Variants in TRAF3 observed in about 807,000 individuals in gnomAD.
TRAF3 encodes TNF receptor associated factor 3.
In TRAF3, 13 loss-of-function variants were observed where a neutral mutation model predicts 62.3. The observed-to-expected ratio is 0.21, with a 90% CI of 0.14 to 0.33. The LOEUF (loss-of-function observed/expected upper bound fraction) is 0.33. TRAF3 is among the 10% of genes least tolerant of loss of function. The pLI is 1.00. For synonymous variants in TRAF3, 269 were observed against 283.4 expected, an observed-to-expected ratio of 0.95 and a Z score of 0.51; for missense variants, 440 against 741.8, an observed-to-expected ratio of 0.59 and a Z score of 4.73.
intron 1 of TRAF3, among the ~76,000 whole-genome samples, chr14:102,796,277 A>C (rs1898080008): frequency 6.6e-6 from 1 of 152,208 alleles, no homozygotes; most frequent in Non-Finnish European, 1.5e-5. Flanking sequence ...GAACACGTGG[A>C]GGTTTCTGAG....
intron 4 of TRAF3, among the ~76,000 whole-genome samples, chr14:102,875,155 C>T (rs1888572855): frequency 6.6e-6 from 1 of 152,114 alleles, no homozygotes. Context: ...GTGGTCTCTC[C>T]ATTTCTCCAG....
chr14:102,900,385 C>T (rs546238679), intron 10 of TRAF3, among the ~76,000 whole-genome samples: 51 of 152,280 alleles, frequency 3.3e-4, no homozygotes, highest in African/African-American at 1.1e-3. Context: ...TCTGTAATCC[C>T]AGCTACTCGG....
At chr14:102,866,419 T>G (rs538851876) in intron 2 of TRAF3, among the ~76,000 whole-genome samples, 2 of 151,644 alleles carry the variant, frequency 1.3e-5, no homozygotes, top group Non-Finnish European at 2.9e-5. Flanking sequence ...TATAATAATT[T>G]AAAAAAAAGT....
chr14:102,911,153 T>C lies in TRAF3; in HGVS notation c.*5369T>C, dbSNP rs1211432688. On this transcript the variant is annotated 3_prime_UTR_variant, in exon 12 of 12. Coordinates refer to ENST00000392745, the MANE Select transcript of TRAF3 (RefSeq NM_145725.3). ...AGTTGCGTCTGTAGTAGCCGCTTGC[T>C]GTGAAGACACATCTTGACAGTCCAA... 1 of 152,224 alleles carries C rather than the reference T, an allele frequency of 6.6e-6. No individual in the cohort carries two copies. The highest frequency in any genetic ancestry group is 1.5e-5 in the Non-Finnish European group (1 of 68,038). The allele number at this position is 152,224 out of a possible 1,614,324, so 9.4% of individuals were successfully genotyped here.
At chr14:102,847,257 C>G (rs962092342) in intron 2 of TRAF3, among the ~76,000 whole-genome samples, 1 of 152,168 alleles carries the variant, frequency 6.6e-6, no homozygotes, top group Admixed American at 6.5e-5. Context: ...TCACTGCAGC[C>G]TCCGCCTCCT....
chr14:102,843,151 C>T lies in TRAF3; in HGVS notation c.-18+12679C>T, dbSNP rs192496829. 5.7e-3 allele frequency among the ~76,000 whole-genome samples: 855 copies of T among 150,684 alleles called. 9 individuals carry two copies. Among genetic ancestry groups the T allele is most frequent in the Admixed American group, 1.0e-2 (151 of 15,130 alleles). ...CCGGGAGGCAGAGGTTGCAGTGAGCCGAGATCGTGCCACTGCACTCTAGCC... is the reference window on the plus strand; with the variant it reads ...CCGGGAGGCAGAGGTTGCAGTGAGCTGAGATCGTGCCACTGCACTCTAGCC... On this transcript the variant is annotated intron_variant, in intron 2 of 11. Transcript: ENST00000392745.
chr14:102,811,550 G>GTTTTTTTTTTT (rs35064640), intron 1 of TRAF3, among the ~76,000 whole-genome samples: 8 of 79,500 alleles, frequency 1.0e-4, no homozygotes, highest in African/African-American at 2.3e-4. Flanking sequence ...GCTGTAGGCG[G>GTTTTTTTTTTT]TTTTTTTTTT....
rs35634271 is a variant in TRAF3 at position 102,854,801 on chromosome 14, G to GT, written c.-17-15365dup. Among the ~76,000 whole-genome samples the GT allele has an allele frequency of 3.5e-3, 473 of 136,852 alleles. 5 individuals are homozygous for GT. The highest frequency in any genetic ancestry group is 0.025 in the East Asian group (115 of 4,592). The allele number at this position is 136,852 out of a possible 152,430, so 89.8% of individuals were successfully genotyped here. A position where few individuals can be genotyped will look rare whatever the true frequency, so the allele number is the denominator to read the frequency against. ...TAGGTGTCAGCTGCCGCACCTGGCT[G>GT]TTTTTTTTTTTTTTTTTTTAACAAT... is the stretch of plus-strand genomic sequence containing the variant. On this transcript the variant is annotated intron_variant, in intron 2 of 11. Transcript: ENST00000392745.
chr14:102,875,762 T>G lies in TRAF3; in HGVS notation c.402+34T>G, dbSNP rs151108795. 214 of 1,572,608 alleles carry G rather than the reference T, an allele frequency of 1.4e-4. 2 individuals are homozygous for G. The East Asian group carries it at 4.3e-3, about 31-fold the overall frequency. On this transcript the variant is annotated intron_variant, in intron 5 of 11. Coordinates refer to ENST00000392745, the MANE Select transcript of TRAF3 (RefSeq NM_145725.3). ...CAAAGGGACACTGGAACCTTTTACA[T>G]GAAGGAATTCGAGTCCCTTACATCC...
At chr14:102,879,304 C>T (rs1305859094) in intron 6 of TRAF3, among the ~76,000 whole-genome samples, 1 of 152,158 alleles carries the variant, frequency 6.6e-6, no homozygotes, top group African/African-American at 2.4e-5. Flanking sequence ...GAGAGTCTCA[C>T]TCTGTCATCC....
Position 102,910,891 on chromosome 14 carries a change from A to G in TRAF3, c.*5107A>G, listed in dbSNP as rs897303145. 3 of 152,240 alleles carry G rather than the reference A, an allele frequency of 2.0e-5. No homozygotes were observed. The highest frequency in any genetic ancestry group is 7.2e-5 in the African/African-American group (3 of 41,460). 9.4% of individuals were successfully genotyped at this position (152,240 alleles called of 1,614,324 possible). A position where few individuals can be genotyped will look rare whatever the true frequency, so the allele number is the denominator to read the frequency against. On this transcript the variant is annotated 3_prime_UTR_variant, in exon 12 of 12. Coordinates refer to ENST00000392745, the MANE Select transcript of TRAF3 (RefSeq NM_145725.3). ...CAAGTAAGATACCCTCCAACAGCAA[A>G]TTCAATGACTTAATTGGAAAACACA...
chr14:102,789,068 T>C (rs533132556), intron 1 of TRAF3, among the ~76,000 whole-genome samples: 1 of 152,324 alleles, frequency 6.6e-6, no homozygotes, highest in Admixed American at 6.5e-5. Flanking sequence ...AATCTGCTTT[T>C]GGTCTCTGTG....
At chr14:102,796,565 C>T (rs1026320262) in intron 1 of TRAF3, among the ~76,000 whole-genome samples, 7 of 152,184 alleles carry the variant, frequency 4.6e-5, no homozygotes, top group African/African-American at 9.7e-5. Flanking sequence ...GCGACTGAAC[C>T]GCCAACAGCT....
chr14:102,825,943 G>T (rs1385568519), intron 1 of TRAF3, among the ~76,000 whole-genome samples: 1 of 152,240 alleles, frequency 6.6e-6, no homozygotes, highest in East Asian at 1.9e-4. Flanking sequence ...CCTGTAGGCC[G>T]TAGGTGTTCC....
intron 10 of TRAF3, among the ~76,000 whole-genome samples, chr14:102,899,960 A>G (rs975290195): frequency 5.9e-5 from 9 of 152,002 alleles, no homozygotes; most frequent in Non-Finnish European, 1.0e-4. Context: ...CGGGCGGATC[A>G]TGAGGTCAGG....
rs750771706 is a variant in TRAF3, at chr14:102,903,418, C to T, written c.1124C>T (p.Ala375Val). The T allele has an allele frequency of 6.2e-7, 1 of 1,613,966 alleles. No homozygotes were observed. Among genetic ancestry groups the T allele is most frequent in the African/African-American group, 1.3e-5 (1 of 75,048 alleles). ...ESVDKSAGQVARNTGLLESQL... is the reference protein window; with the variant it reads ...ESVDKSAGQVVRNTGLLESQL... ...GTGGACAAGAGCGCGGGGCAAGTGGCTCGGAACACAGGTGAGGCAGGGGCC... is the reference window on the plus strand; with the variant it reads ...GTGGACAAGAGCGCGGGGCAAGTGGTTCGGAACACAGGTGAGGCAGGGGCC... Residue 375 changes from alanine to valine, a missense_variant, in exon 11 of 12, where the codon GCT (alanine) becomes GTT (valine). Physicochemically the swap from Ala to Val is moderately conservative, Grantham distance 64. Transcript: ENST00000392745. The surrounding 1 kb of genome is among the most constrained non-coding windows in gnomAD (Gnocchi z 6.4).
intron 1 of TRAF3, among the ~76,000 whole-genome samples, chr14:102,814,614 A>C (rs908885462): frequency 1.3e-5 from 2 of 151,792 alleles, no homozygotes; most frequent in Non-Finnish European, 2.9e-5. Context: ...GACCTCCTGG[A>C]CTTAGGTGAT....
At chr14:102,857,136 A>G (rs1887419893) in intron 2 of TRAF3, among the ~76,000 whole-genome samples, 1 of 152,244 alleles carries the variant, frequency 6.6e-6, no homozygotes, top group South Asian at 2.1e-4. Flanking sequence ...AGCCGACTCC[A>G]GTATGTGCCC....
At chr14:102,791,020 CTTTT>C (rs559815933) in intron 1 of TRAF3, among the ~76,000 whole-genome samples, 1 of 129,856 alleles carries the variant, frequency 7.7e-6, no homozygotes. Context: ...CTTTTCTTTT[CTTTT>C]TTTTTTTTTT....
Sources: gnomAD v4.1 joint callset for allele counts (sites outside exome capture counted in the v4.1 genomes callset) on GRCh38, gnomAD v4.1.1 for gene constraint, Gnocchi (gnomAD v3.1) non-coding constraint, MANE v1.5 for transcripts, NCBI Gene and HGNC (gene_info 2026-07-23, HGNC 2026-07-21) for gene names.